CDADC1: variants seen among roughly 807,000 people sequenced by gnomAD.
The protein encoded by CDADC1 is cytidine and dCMP deaminase domain containing 1, also known as dCTP deaminase.
CDADC1 carries 39 observed loss-of-function variants against 54.9 expected under a neutral mutation model. That is an observed-to-expected ratio of 0.71 (90% CI 0.55 to 0.93). The LOEUF (loss-of-function observed/expected upper bound fraction) is 0.93, where lower values mean the gene tolerates loss of function less well. CDADC1 is among the 40% of genes least tolerant of loss of function. The probability of loss-of-function intolerance (pLI) is 0.00; values close to 1 mark genes in which losing one functional copy is unlikely to be tolerated. For missense variants in CDADC1, 518 were observed against 618.8 expected, an observed-to-expected ratio of 0.84 and a Z score of 1.73; for synonymous variants, 186 against 204.0, an observed-to-expected ratio of 0.91 and a Z score of 0.75.
At chr13:49,283,761 A>C (rs750031342) in intron 8 of CDADC1, among the ~76,000 whole-genome samples, 1 of 152,204 alleles carries the variant, frequency 6.6e-6, no homozygotes, top group Non-Finnish European at 1.5e-5. Flanking sequence ...ACCCTCACTC[A>C]GGCACATGTT....
At chr13:49,258,870 G>A (rs1593798239) in intron 3 of CDADC1, among the ~76,000 whole-genome samples, 2 of 152,316 alleles carry the variant, frequency 1.3e-5, no homozygotes, top group Non-Finnish European at 1.5e-5. Flanking sequence ...TAGAATTTAA[G>A]ATGACCTCTG....
intron 2 of CDADC1, among the ~76,000 whole-genome samples, chr13:49,250,056 T>C (rs2138188538): frequency 6.6e-6 from 1 of 152,350 alleles, no homozygotes; most frequent in South Asian, 2.1e-4. Flanking sequence ...TACACATGGC[T>C]TCTCACCACT....
intron 8 of CDADC1, among the ~76,000 whole-genome samples, chr13:49,283,920 G>A (rs1438197036): frequency 6.6e-6 from 1 of 152,178 alleles, no homozygotes; most frequent in Non-Finnish European, 1.5e-5. Context: ...TAATTAACAT[G>A]AACTAGAATT....
At chr13:49,264,994 C>T (rs1281859762) in intron 4 of CDADC1, among the ~76,000 whole-genome samples, 2 of 152,204 alleles carry the variant, frequency 1.3e-5, no homozygotes, top group Non-Finnish European at 2.9e-5. Context: ...CCTACTTAAT[C>T]TGATTCTAGA....
At chr13:49,255,194 G>A (rs1952515406) in intron 2 of CDADC1, among the ~76,000 whole-genome samples, 1 of 152,142 alleles carries the variant, frequency 6.6e-6, no homozygotes, top group Non-Finnish European at 1.5e-5. Context: ...AGCCAGCAAT[G>A]GCCAGTCAGG....
intron 9 of CDADC1, among the ~76,000 whole-genome samples, chr13:49,287,825 A>T (rs1012365745): frequency 6.6e-5 from 10 of 152,114 alleles, no homozygotes; most frequent in African/African-American, 2.4e-4. Flanking sequence ...TACAAAAATT[A>T]GCCAATTGTG....
At chr13:49,291,484 G>C (rs1383382526) in intron 9 of CDADC1, among the ~76,000 whole-genome samples, 200 bp from the exon 10 acceptor site, 1 of 152,094 alleles carries the variant, frequency 6.6e-6, no homozygotes, top group Non-Finnish European at 1.5e-5. Context: ...TGTGAATCCA[G>C]TTTTTAAAAG....
At chr13:49,275,862 G>C (rs1479581769) in intron 6 of CDADC1, among the ~76,000 whole-genome samples, 1 of 150,582 alleles carries the variant, frequency 6.6e-6, no homozygotes, top group African/African-American at 2.4e-5. Context: ...TCTGCCTCCT[G>C]GGTTCAAGCA....
chr13:49,253,294 A>G (rs1952475555), intron 2 of CDADC1, among the ~76,000 whole-genome samples: 2 of 152,218 alleles, frequency 1.3e-5, no homozygotes, highest in Non-Finnish European at 2.9e-5. Context: ...CTAGAGACTA[A>G]TTACTTTTTA....
At position 49,265,956 on chromosome 13, in the gene CDADC1, G is replaced by C. The variant is rs1456271345; in HGVS notation, c.431-1534G>C. The C allele has an allele frequency of 3.1e-6, 4 of 1,301,158 alleles. No individual in the cohort carries two copies. In the African/African-American group the frequency reaches 6.1e-5, roughly 20 times the overall value. The allele number at this position is 1,301,158 out of a possible 1,614,324, so 80.6% of individuals were successfully genotyped here. A position where few individuals can be genotyped will look rare whatever the true frequency, so the allele number is the denominator to read the frequency against. On this transcript the variant is annotated intron_variant, in intron 4 of 9. Transcript: ENST00000251108. Reference sequence around the variant, plus strand: ...GTTAGGAAATGGATTATGAGAACTCGAACAGAGGGAAGGTGAAATGCAACC... The same window carrying C: ...GTTAGGAAATGGATTATGAGAACTCCAACAGAGGGAAGGTGAAATGCAACC...
chr13:49,251,267 G>A lies in CDADC1; in HGVS notation c.177+2302G>A, dbSNP rs142603286. Among the ~76,000 whole-genome samples, 956 of 152,130 alleles carry A rather than the reference G, an allele frequency of 6.3e-3. 13 individuals are homozygous for A. Among genetic ancestry groups the A allele is most frequent in the African/African-American group, 0.022 (901 of 41,482 alleles). On this transcript the variant is annotated intron_variant, in intron 2 of 9. Transcript: ENST00000251108. Reference sequence around the variant, plus strand: ...TGCCAAAAATACAAAAAGTAGCTGGGCGTGGTGGTGCGTGCCTGTAGTCCC... The same window carrying A: ...TGCCAAAAATACAAAAAGTAGCTGGACGTGGTGGTGCGTGCCTGTAGTCCC...
intron 9 of CDADC1, among the ~76,000 whole-genome samples, chr13:49,290,180 G>A (rs1252468333): frequency 6.6e-6 from 1 of 151,956 alleles, no homozygotes; most frequent in Non-Finnish European, 1.5e-5. Flanking sequence ...GGGTGAAAGG[G>A]GATGGGACGA....
At position 49,291,995 on chromosome 13, in the gene CDADC1, A is replaced by T; in HGVS notation, c.*238A>T. 8.0e-7 allele frequency: 1 copy of T among 1,249,466 alleles called. No homozygotes were observed. Among genetic ancestry groups the T allele is most frequent in the Non-Finnish European group, 1.0e-6 (1 of 992,096 alleles). 77.4% of individuals were successfully genotyped at this position (1,249,466 alleles called of 1,614,324 possible). A position where few individuals can be genotyped will look rare whatever the true frequency, so the allele number is the denominator to read the frequency against. The stretch of plus-strand genomic sequence containing the variant: ...ATTTTATTACACGAAATGAGGGAGC[A>T]ATAACTTCAACCAATGTAATCACCA... On this transcript the variant is annotated 3_prime_UTR_variant, in exon 10 of 10. Transcript: ENST00000251108.
In CDADC1 at chr13:49,260,773, G is replaced by A. The variant is rs556036426; in HGVS notation, c.430+1250G>A. Among the ~76,000 whole-genome samples, 22 of 152,100 alleles carry A rather than the reference G, an allele frequency of 1.4e-4. No homozygotes were observed. The East Asian group carries it at 2.1e-3, about 15-fold the overall frequency. On this transcript the variant is annotated intron_variant, in intron 4 of 9. Transcript: ENST00000251108. ...AATGTGGTTCCTAATCTTTACTCTCGAGGTGTTATTTGGGGGCCAAAATAA... is the reference window on the plus strand; with the variant it reads ...AATGTGGTTCCTAATCTTTACTCTCAAGGTGTTATTTGGGGGCCAAAATAA...
At chr13:49,253,487 G>A (rs1356136336) in intron 2 of CDADC1, among the ~76,000 whole-genome samples, 1 of 152,176 alleles carries the variant, frequency 6.6e-6, no homozygotes, top group Non-Finnish European at 1.5e-5. Flanking sequence ...CAGCCTGCCT[G>A]GGTTCAGACT....
intron 2 of CDADC1, among the ~76,000 whole-genome samples, chr13:49,253,232 G>A (rs1457825539): frequency 6.6e-6 from 1 of 152,152 alleles, no homozygotes; most frequent in Non-Finnish European, 1.5e-5. Flanking sequence ...AGTAATATAT[G>A]TTTGTTATTT....
At chr13:49,281,534 G>T (rs1032681416) in intron 8 of CDADC1, among the ~76,000 whole-genome samples, 2 of 152,180 alleles carry the variant, frequency 1.3e-5, no homozygotes, top group African/African-American at 4.8e-5. Context: ...GTAGGGTTCT[G>T]CTCCTATGAG....
In CDADC1 at chr13:49,288,398, A is replaced by G. The variant is rs565326645; in HGVS notation, c.1471+2116A>G. Among the ~76,000 whole-genome samples, 5 of 152,330 alleles carry G rather than the reference A, an allele frequency of 3.3e-5. No individual in the cohort carries two copies. The South Asian group carries it at 1.0e-3, about 32-fold the overall frequency. ...CACGAAGTTGTACAGGCATCACTAC[A>G]ACATAATTTCAGAACATTTTCATTA... On this transcript the variant is annotated intron_variant, in intron 9 of 9. Transcript: ENST00000251108.
Position 49,280,545 on chromosome 13 carries a change from T to C in CDADC1, c.1257T>C (p.Ile419=). Reference sequence around the variant, plus strand: ...TAAAACCAGAAGAAAGAAGCATGATTTTTGTGACAAAGTGCCCATGTGATG... The same window carrying C: ...TAAAACCAGAAGAAAGAAGCATGATCTTTGTGACAAAGTGCCCATGTGATG... ...QEIKPEERSM[I]FVTKCPCDEC... Residue 419 remains isoleucine, a synonymous_variant, in exon 8 of 10, where the codon ATT becomes ATC. Transcript: ENST00000251108. The C allele has an allele frequency of 6.9e-7, 1 of 1,457,408 alleles. No individual in the cohort carries two copies. Among genetic ancestry groups the C allele is most frequent in the Non-Finnish European group, 9.1e-7 (1 of 1,099,680 alleles). The allele number at this position is 1,457,408 out of a possible 1,614,324, so 90.3% of individuals were successfully genotyped here. A position where few individuals can be genotyped will look rare whatever the true frequency, so the allele number is the denominator to read the frequency against.
Sources: gnomAD v4.1 joint callset for allele counts (sites outside exome capture counted in the v4.1 genomes callset) on GRCh38, gnomAD v4.1.1 for gene constraint, MANE v1.5 for transcripts, NCBI Gene and HGNC (gene_info 2026-07-23, HGNC 2026-07-21) for gene names.